Variants in SUGCT observed in about 807,000 individuals in gnomAD.
SUGCT encodes the protein succinyl-CoA:glutarate CoA-transferase.
Under a neutral mutation model 55.0 loss-of-function variants are expected in SUGCT, and 41 were observed. The observed-to-expected ratio is 0.74, with a 90% CI of 0.58 to 0.97. The LOEUF (loss-of-function observed/expected upper bound fraction) is 0.97. Among genes scored for constraint, SUGCT ranks in the 50% least tolerant of loss-of-function variants. The pLI is 0.00. For synonymous variants in SUGCT, 187 were observed against 200.4 expected, an observed-to-expected ratio of 0.93 and a Z score of 0.56; for missense variants, 568 against 547.8, an observed-to-expected ratio of 1.04 and a Z score of -0.37.
At chr7:40,365,665 T>A (rs1223181711) in intron 9 of SUGCT, among the ~76,000 whole-genome samples, 9 of 151,672 alleles carry the variant, frequency 5.9e-5, no homozygotes, top group Admixed American at 1.3e-4. Context: ...CATTCACAAT[T>A]GCTTCAAAGA....
intron 12 of SUGCT, among the ~76,000 whole-genome samples, chr7:40,533,113 G>A (rs920255691): frequency 6.6e-6 from 1 of 152,140 alleles, no homozygotes; most frequent in African/African-American, 2.4e-5. Flanking sequence ...TGAAATACAA[G>A]TAGCATTATT....
chr7:40,148,769 T>C (rs1320704041), intron 1 of SUGCT, among the ~76,000 whole-genome samples: 1 of 151,980 alleles, frequency 6.6e-6, no homozygotes, highest in Non-Finnish European at 1.5e-5. Flanking sequence ...ATGAAAGAGG[T>C]TATGGGAACC....
chr7:40,275,269 C>A (rs1226972673), intron 8 of SUGCT, among the ~76,000 whole-genome samples: 1 of 152,148 alleles, frequency 6.6e-6, no homozygotes, highest in Non-Finnish European at 1.5e-5. Context: ...CTTACTTTGA[C>A]TTGTTTCTTC....
intron 6 of SUGCT, among the ~76,000 whole-genome samples, chr7:40,231,156 A>C (rs1788701037): frequency 6.6e-6 from 1 of 152,200 alleles, no homozygotes. Flanking sequence ...AGTTGCCAGG[A>C]GTCCTCTACC....
intron 12 of SUGCT, among the ~76,000 whole-genome samples, chr7:40,517,767 A>G (rs542737927): frequency 6.6e-6 from 1 of 152,220 alleles, no homozygotes; most frequent in African/African-American, 2.4e-5. Context: ...TTCACCACTT[A>G]TGGTTGATTT....
chr7:40,359,329 C>T (rs535010322), intron 9 of SUGCT, among the ~76,000 whole-genome samples: 73 of 152,260 alleles, frequency 4.8e-4, no homozygotes, highest in African/African-American at 1.6e-3. Context: ...CTAAGCCTCC[C>T]GAGTAGCTGG....
chr7:40,967,837 T>C, the SUGCT span, among the ~76,000 whole-genome samples: 1 of 152,150 alleles, frequency 6.6e-6, no homozygotes, highest in African/African-American at 2.4e-5. Flanking sequence ...TTAGCCAGGA[T>C]GGTCTCGATC....
chr7:40,313,395 T>G (rs1331018812), intron 8 of SUGCT, among the ~76,000 whole-genome samples: 3 of 152,184 alleles, frequency 2.0e-5, no homozygotes, highest in Admixed American at 1.3e-4. Context: ...CCAGGAAACC[T>G]CTGATTTTTT....
the SUGCT span, among the ~76,000 whole-genome samples, chr7:41,016,869 C>G: frequency 6.6e-6 from 1 of 152,162 alleles, no homozygotes; most frequent in African/African-American, 2.4e-5. Context: ...CTTAATTTTG[C>G]TTTGGCCATA....
chr7:40,413,795 T>C (rs1342534125), intron 9 of SUGCT, among the ~76,000 whole-genome samples: 3 of 152,092 alleles, frequency 2.0e-5, no homozygotes, highest in Middle Eastern at 3.2e-3. Context: ...AAATGGCTAG[T>C]GACAACATAA....
At chr7:40,560,906 T>C (rs747794573) in intron 12 of SUGCT, among the ~76,000 whole-genome samples, 31 of 152,264 alleles carry the variant, frequency 2.0e-4, no homozygotes, top group Non-Finnish European at 4.4e-5. Context: ...TATTAGAGTA[T>C]AGCATCACAA....
intron 9 of SUGCT, among the ~76,000 whole-genome samples, chr7:40,415,066 A>ATCTATCTG (rs1562760157): frequency 0.051 from 3,608 of 71,182 alleles, 122 homozygotes; most frequent in Non-Finnish European, 0.067. Flanking sequence ...AAAAAAATCT[A>ATCTATCTG]TCTATCTATC....
chr7:40,998,158 G>C, the SUGCT span, among the ~76,000 whole-genome samples: 1 of 152,152 alleles, frequency 6.6e-6, no homozygotes, highest in South Asian at 2.1e-4. Context: ...CCTGAGGCCA[G>C]GAGGTTGAGA....
At chr7:40,557,771 T>TAAAAAA (rs34029032) in intron 12 of SUGCT, among the ~76,000 whole-genome samples, 2 of 115,786 alleles carry the variant, frequency 1.7e-5, no homozygotes, top group African/African-American at 3.0e-5. Context: ...AGACTCTGTC[T>TAAAAAA]AAAAAAAAAA....
intron 9 of SUGCT, among the ~76,000 whole-genome samples, chr7:40,371,200 G>A (rs1784280527): frequency 6.6e-6 from 1 of 152,036 alleles, no homozygotes; most frequent in Admixed American, 6.6e-5. Flanking sequence ...TTAGTTACTT[G>A]AAAAGAGTTT....
intron 9 of SUGCT, among the ~76,000 whole-genome samples, chr7:40,438,727 C>T (rs541582555): frequency 4.6e-4 from 70 of 151,956 alleles, no homozygotes; most frequent in African/African-American, 1.6e-3. Context: ...CAATTCGCTG[C>T]GTATGATTTG....
At chr7:40,681,935 GTT>G (rs1562943412) in intron 12 of SUGCT, among the ~76,000 whole-genome samples, 1 of 152,176 alleles carries the variant, frequency 6.6e-6, no homozygotes, top group Non-Finnish European at 1.5e-5. Flanking sequence ...AGGCAGATCT[GTT>G]TGGTGGGGGT....
intron 12 of SUGCT, among the ~76,000 whole-genome samples, chr7:40,692,383 A>G (rs1784737358): frequency 6.6e-6 from 1 of 152,200 alleles, no homozygotes; most frequent in South Asian, 2.1e-4. Flanking sequence ...GGGGCATAGA[A>G]TAGGGAAATG....
intron 12 of SUGCT, among the ~76,000 whole-genome samples, chr7:40,714,111 C>T (rs1046425440): frequency 1.3e-5 from 2 of 152,146 alleles, no homozygotes; most frequent in Non-Finnish European, 2.9e-5. Context: ...AGGAGGATCA[C>T]TTGAGGTTAG....
Sources: gnomAD v4.1 joint callset for allele counts (sites outside exome capture counted in the v4.1 genomes callset) on GRCh38, gnomAD v4.1.1 for gene constraint, MANE v1.5 for transcripts, NCBI Gene and HGNC (gene_info 2026-07-23, HGNC 2026-07-21) for gene names.